TMEM185B: variants seen among roughly 807,000 people sequenced by gnomAD.
TMEM185B encodes transmembrane protein 185B.
Under a neutral mutation model 26.2 loss-of-function variants are expected in TMEM185B, and 9 were observed. The ratio of observed to expected loss-of-function variants is 0.34; its 90% CI spans 0.21 to 0.60. The LOEUF is 0.60. Ranked by LOEUF, TMEM185B falls within the 20% of genes least tolerant of loss-of-function variation. The pLI is 0.80. For missense variants in TMEM185B, 392 were observed against 447.9 expected (o/e 0.88, Z 1.13); for synonymous variants, 204 against 191.8 (o/e 1.06, Z -0.52).
rs1272845455 is a variant in TMEM185B, at chr2:120,221,237, G to A, written c.*687C>T. On this transcript the variant is annotated 3_prime_UTR_variant, in exon 1 of 1. Transcript: ENST00000426077. ...CCACACCAGGCACATACTGTTTTAT[G>A]CAGTTTTCAAGGACATCTGCAATAG... 6.6e-6 allele frequency: 1 copy of A among 152,220 alleles called. No homozygotes were observed. Among genetic ancestry groups the A allele is most frequent in the African/African-American group, 2.4e-5 (1 of 41,452 alleles). 9.4% of individuals were successfully genotyped at this position (152,220 alleles called of 1,614,324 possible).
Position 120,222,666 on chromosome 2 carries a change from C to T in TMEM185B, c.311G>A (p.Arg104Lys). 1 of 1,536,548 alleles carries T rather than the reference C, an allele frequency of 6.5e-7. No individual in the cohort carries two copies. The highest frequency in any genetic ancestry group is 1.2e-5 in the South Asian group (1 of 84,066). The change falls in exon 1 of 1, where the codon AGG (arginine) becomes AAG (lysine). Residue 104 changes from arginine to lysine, a missense_variant. Physicochemically the swap from Arg to Lys is conservative, Grantham distance 26. Transcript: ENST00000426077. ...LLMFEVLVCD[R>K]VERGTHFWLL... The stretch of plus-strand genomic sequence containing the variant: ...CCAGAAGTGGGTGCCCCTCTCCACC[C>T]TGTCGCAGACCAGGACTTCGAACAT...
At position 120,221,490 on chromosome 2, in the gene TMEM185B, G is replaced by A. The variant is rs1027112936; in HGVS notation, c.*434C>T. 1.3e-5 allele frequency: 2 copies of A among 159,232 alleles called. No homozygotes were observed. The highest frequency in any genetic ancestry group is 1.2e-4 in the Admixed American group (2 of 16,078). 9.9% of individuals were successfully genotyped at this position (159,232 alleles called of 1,614,324 possible). On this transcript the variant is annotated 3_prime_UTR_variant, in exon 1 of 1. Coordinates refer to ENST00000426077, the MANE Select transcript of TMEM185B (RefSeq NM_024121.3). ...GGAACACTAAAAATATCAACTATGA[G>A]GTTTATAAACAAGTGGTGGGAAAGA...
Position 120,220,823 on chromosome 2 carries a change from T to C in TMEM185B, c.*1101A>G, listed in dbSNP as rs76356846. 2.0e-5 allele frequency among the ~76,000 whole-genome samples: 3 copies of C among 152,318 alleles called. No homozygotes were observed. The East Asian group carries it at 5.8e-4, about 29-fold the overall frequency. On this transcript the variant is annotated 3_prime_UTR_variant, in exon 1 of 1. Coordinates refer to ENST00000426077, the MANE Select transcript of TMEM185B (RefSeq NM_024121.3). ...TCTACAAAGATAATTTGAACAGTTG[T>C]TTCCCTATTGCTGACAGATTAAAGT...
Position 120,217,971 on chromosome 2 carries a change from T to C in TMEM185B, c.*3953A>G, listed in dbSNP as rs1459963264. ...ACTGTCTTTTTGTGAGGCATGGTTG[T>C]GTTATGTCAGGTGGGAGCCTGATTT... On this transcript the variant is annotated 3_prime_UTR_variant, in exon 1 of 1. Transcript: ENST00000426077. Among the ~76,000 whole-genome samples the C allele has an allele frequency of 6.6e-6, 1 of 152,234 alleles. No homozygotes were observed. Among genetic ancestry groups the C allele is most frequent in the East Asian group, 1.9e-4 (1 of 5,200 alleles).
rs1182322936 is a variant in TMEM185B at position 120,218,098 on chromosome 2, T to G, written c.*3826A>C. Among the ~76,000 whole-genome samples, 1 of 152,168 alleles carries G rather than the reference T, an allele frequency of 6.6e-6. No homozygotes were observed. Among genetic ancestry groups the G allele is most frequent in the Non-Finnish European group, 1.5e-5 (1 of 68,012 alleles). On this transcript the variant is annotated 3_prime_UTR_variant, in exon 1 of 1. Coordinates refer to ENST00000426077, the MANE Select transcript of TMEM185B (RefSeq NM_024121.3). Reference sequence around the variant, plus strand: ...ACACCCTTCCTTTTGGGAAAATCTTTTATCGAGTGAGTTCTGGCAGAGTCC... The same window carrying G: ...ACACCCTTCCTTTTGGGAAAATCTTGTATCGAGTGAGTTCTGGCAGAGTCC...
chr2:120,221,231 T>C lies in TMEM185B; in HGVS notation c.*693A>G, dbSNP rs1688582023. 1 of 152,250 alleles carries C rather than the reference T, an allele frequency of 6.6e-6. No individual in the cohort carries two copies. Among genetic ancestry groups the C allele is most frequent in the South Asian group, 2.1e-4 (1 of 4,832 alleles). 9.4% of individuals were successfully genotyped at this position (152,250 alleles called of 1,614,324 possible). ...TAAGATCCACACCAGGCACATACTG[T>C]TTTATGCAGTTTTCAAGGACATCTG... On this transcript the variant is annotated 3_prime_UTR_variant, in exon 1 of 1. Coordinates refer to ENST00000426077, the MANE Select transcript of TMEM185B (RefSeq NM_024121.3).
Position 120,223,173 on chromosome 2 carries a change from C to G in TMEM185B, c.-197G>C. 1 of 390,158 alleles carries G rather than the reference C, an allele frequency of 2.6e-6. No individual in the cohort carries two copies. The highest frequency in any genetic ancestry group is 4.1e-5 in the East Asian group (1 of 24,642). 24.2% of individuals were successfully genotyped at this position (390,158 alleles called of 1,614,324 possible). ...ACACGTGCACGCGCGGTCACGTGGC[C>G]CGGCCGGAAGCGCGCTGGGGTGTGG... On this transcript the variant is annotated 5_prime_UTR_variant, in exon 1 of 1. Coordinates refer to ENST00000426077, the MANE Select transcript of TMEM185B (RefSeq NM_024121.3).
In TMEM185B at chr2:120,223,215, C is replaced by G. The variant is rs1252776400; in HGVS notation, c.-239G>C. The stretch of plus-strand genomic sequence containing the variant: ...GGGGTGTGGCGCGCGCGGGCACGGG[C>G]GGCGCGGCGGTTACAAACTGGGCGC... On this transcript the variant is annotated 5_prime_UTR_variant, in exon 1 of 1. Transcript: ENST00000426077. The G allele has an allele frequency of 1.3e-5, 4 of 318,056 alleles. No individual in the cohort carries two copies. The highest frequency in any genetic ancestry group is 2.3e-5 in the Non-Finnish European group (4 of 174,712). 19.7% of individuals were successfully genotyped at this position (318,056 alleles called of 1,614,324 possible).
In TMEM185B at chr2:120,219,360, TTC is replaced by T. The variant is rs1343063895; in HGVS notation, c.*2562_*2563del. On this transcript the variant is annotated 3_prime_UTR_variant, in exon 1 of 1. Transcript: ENST00000426077. ...CGAACGACTTCCTACAACCTGTCAC[TTC>T]TGTTTTTACCTAATGGTCCTGACAG... Among the ~76,000 whole-genome samples the T allele has an allele frequency of 1.3e-5, 2 of 152,196 alleles. No homozygotes were observed. The highest frequency in any genetic ancestry group is 2.4e-5 in the African/African-American group (1 of 41,444).
In TMEM185B at chr2:120,223,054, CGCCGCCTCCCGGGCCCCGCCCAA is replaced by C; in HGVS notation, c.-101_-79del. 3 of 1,140,776 alleles carry C rather than the reference CGCCGCCTCCCGGGCCCCGCCCAA, an allele frequency of 2.6e-6. No individual in the cohort carries two copies. The highest frequency in any genetic ancestry group is 3.4e-6 in the Non-Finnish European group (3 of 889,512). The allele number at this position is 1,140,776 out of a possible 1,614,324, so 70.7% of individuals were successfully genotyped here. On this transcript the variant is annotated 5_prime_UTR_variant, in exon 1 of 1. Transcript: ENST00000426077. ...CTCGCGTCTCCGCGGCTTCTCCGGCCGCCGCCTCCCGGGCCCCGCCCAAGCCGGCTCCGCGTGGACGAATGCCG... is the reference window on the plus strand; with the variant it reads ...CTCGCGTCTCCGCGGCTTCTCCGGCCGCCGGCTCCGCGTGGACGAATGCCG...
chr2:120,222,066 C>T lies in TMEM185B; in HGVS notation c.911G>A (p.Ser304Asn). Residue 304 changes from serine (S) to asparagine (N), a missense_variant, in exon 1 of 1, where the codon AGT (serine) becomes AAT (asparagine). Ser to Asn is a conservative substitution (Grantham distance 46). Coordinates refer to ENST00000426077, the MANE Select transcript of TMEM185B (RefSeq NM_024121.3). ...AACTGATGTTTCTTCAGCATCTTCA[C>T]TATCTTCGTGATGGAGATCATATGA... ...NISYDLHHEDSEDAEETSVPE... is the reference protein window; with the variant it reads ...NISYDLHHEDNEDAEETSVPE... The T allele has an allele frequency of 6.5e-7, 1 of 1,548,294 alleles. No individual in the cohort carries two copies. Among genetic ancestry groups the T allele is most frequent in the Non-Finnish European group, 8.7e-7 (1 of 1,147,202 alleles).
In TMEM185B at chr2:120,220,257, A is replaced by G. The variant is rs1182384781; in HGVS notation, c.*1667T>C. On this transcript the variant is annotated 3_prime_UTR_variant, in exon 1 of 1. Coordinates refer to ENST00000426077, the MANE Select transcript of TMEM185B (RefSeq NM_024121.3). ...GCAAAGTGTGTGGAGCCCATTTGAG[A>G]TCATTTTTAGTAAGTTACTAATAAG... Among the ~76,000 whole-genome samples the G allele has an allele frequency of 1.3e-5, 2 of 152,232 alleles. No homozygotes were observed. The highest frequency in any genetic ancestry group is 3.8e-4 in the East Asian group (2 of 5,202).
chr2:120,221,738 G>C lies in TMEM185B; in HGVS notation c.*186C>G. On this transcript the variant is annotated 3_prime_UTR_variant, in exon 1 of 1. Coordinates refer to ENST00000426077, the MANE Select transcript of TMEM185B (RefSeq NM_024121.3). ...ACCTGGAAAGCAAGTCTCTTACCCA[G>C]GTACACATCACACACACCCACATAC... The C allele has an allele frequency of 1.7e-6, 1 of 599,926 alleles. No homozygotes were observed. The highest frequency in any genetic ancestry group is 2.2e-5 in the South Asian group (1 of 45,202). 37.2% of individuals were successfully genotyped at this position (599,926 alleles called of 1,614,324 possible). A position where few individuals can be genotyped will look rare whatever the true frequency, so the allele number is the denominator to read the frequency against.
rs1316292257 is a variant in TMEM185B at position 120,217,947 on chromosome 2, C to T, written c.*3977G>A. ...TTTCTCCTAGGGAAGGGATAAACCA[C>T]TGTCTTTTTGTGAGGCATGGTTGTG... is the stretch of plus-strand genomic sequence containing the variant. On this transcript the variant is annotated 3_prime_UTR_variant, in exon 1 of 1. Transcript: ENST00000426077. 2.0e-5 allele frequency among the ~76,000 whole-genome samples: 3 copies of T among 152,184 alleles called. No individual in the cohort carries two copies. The highest frequency in any genetic ancestry group is 4.4e-5 in the Non-Finnish European group (3 of 68,036).
Position 120,221,594 on chromosome 2 carries a change from T to C in TMEM185B, c.*330A>G, listed in dbSNP as rs2104550825. On this transcript the variant is annotated 3_prime_UTR_variant, in exon 1 of 1. Coordinates refer to ENST00000426077, the MANE Select transcript of TMEM185B (RefSeq NM_024121.3). ...AGATTAGCAGTGTATAAAAATACTTTTTAAACAATAGTTTTGATAGGTACA... is the reference window on the plus strand; with the variant it reads ...AGATTAGCAGTGTATAAAAATACTTCTTAAACAATAGTTTTGATAGGTACA... 2 of 240,598 alleles carry C rather than the reference T, an allele frequency of 8.3e-6. No homozygotes were observed. Among genetic ancestry groups the C allele is most frequent in the East Asian group, 8.6e-5 (1 of 11,682 alleles). The allele number at this position is 240,598 out of a possible 1,614,324, so 14.9% of individuals were successfully genotyped here.
chr2:120,219,481 TG>T lies in TMEM185B; in HGVS notation c.*2442del, dbSNP rs548238865. Among the ~76,000 whole-genome samples the T allele has an allele frequency of 1.6e-3, 236 of 152,124 alleles. No individual in the cohort carries two copies. Among genetic ancestry groups the T allele is most frequent in the Admixed American group, 3.6e-3 (55 of 15,284 alleles). ...GGGGGAAGAGGAAGTTAAGATGGGC[TG>T]GGGGGTTGTGGGGACCCCTCAGGTT... is the stretch of plus-strand genomic sequence containing the variant. On this transcript the variant is annotated 3_prime_UTR_variant, in exon 1 of 1. Coordinates refer to ENST00000426077, the MANE Select transcript of TMEM185B (RefSeq NM_024121.3).
rs1236271724 is a variant in TMEM185B, at chr2:120,219,955, A to G, written c.*1969T>C. Among the ~76,000 whole-genome samples the G allele has an allele frequency of 6.6e-6, 1 of 152,036 alleles. No individual in the cohort carries two copies. Among genetic ancestry groups the G allele is most frequent in the African/African-American group, 2.4e-5 (1 of 41,298 alleles). ...AATGAATCAATGAATCCTTATTTAT[A>G]AAAAGTTACACCCACTGCTGCTCAG... On this transcript the variant is annotated 3_prime_UTR_variant, in exon 1 of 1. Transcript: ENST00000426077.
chr2:120,222,154 G>T lies in TMEM185B; in HGVS notation c.823C>A (p.Arg275Ser). The change falls in exon 1 of 1, where the codon CGC becomes AGC. Residue 275 changes from arginine to serine, a missense_variant. Physicochemically the swap from Arg to Ser is moderately radical, Grantham distance 110. Around this residue, in one of 3 missense-constraint regions of TMEM185B, gnomAD observed 176 missense variants for 201.6 expected, o/e 0.87. Coordinates refer to ENST00000426077, the MANE Select transcript of TMEM185B (RefSeq NM_024121.3). ...KGGNHWWFGI[R>S]RDFCQFLLEI... is the part of the protein sequence containing the mutation. ...AGCAGAAACTGACAGAAGTCTCTGC[G>T]AATGCCAAACCACCAATGATTGCCC... 6.4e-7 allele frequency: 1 copy of T among 1,562,668 alleles called. No individual in the cohort carries two copies. The highest frequency in any genetic ancestry group is 8.7e-7 in the Non-Finnish European group (1 of 1,155,698).
chr2:120,222,330 C>T lies in TMEM185B; in HGVS notation c.647G>A (p.Ser216Asn). ...QRRTHVTMAI[S>N]WITIVVPLLT... ...CAGAGGCACGACAATCGTTATCCAA[C>T]TGATAGCCATGGTCACGTGTGTTCT... The change falls in exon 1 of 1, where the codon AGT (serine) becomes AAT (asparagine). Residue 216 changes from serine to asparagine, a missense_variant. Physicochemically the swap from Ser to Asn is conservative, Grantham distance 46. Transcript: ENST00000426077. The T allele has an allele frequency of 1.3e-6, 2 of 1,536,188 alleles. No individual in the cohort carries two copies. Among genetic ancestry groups the T allele is most frequent in the Non-Finnish European group, 1.7e-6 (2 of 1,146,920 alleles).
Sources: allele counts gnomAD v4.1 joint callset (sites outside exome capture counted in the v4.1 genomes callset), GRCh38; gene constraint gnomAD v4.1.1; regional missense constraint gnomAD v4.1.1; transcripts MANE v1.5; gene names NCBI Gene and HGNC (gene_info 2026-07-23, HGNC 2026-07-21).